The following CFAP96 variants were observed in gnomAD, a reference collection of about 807,000 sequenced individuals.
CFAP96 encodes cilia-and flagella-associated protein 96.
chr4:185,439,144 C>A, the CFAP96 span, among the ~76,000 whole-genome samples: 19 of 152,086 alleles, frequency 1.2e-4, no homozygotes, highest in African/African-American at 3.6e-4. Flanking sequence ...GATTAATAGG[C>A]CATACAGCAG....
chr4:185,418,419 A>G, the CFAP96 span: 5 of 1,564,734 alleles, frequency 3.2e-6, no homozygotes, highest in South Asian at 3.4e-5. Context: ...TTATCAGTAC[A>G]GAAGACAGAT....
the CFAP96 span, among the ~76,000 whole-genome samples, chr4:185,429,744 A>G: frequency 6.6e-6 from 1 of 152,220 alleles, no homozygotes; most frequent in South Asian, 2.1e-4. Context: ...ATTATAGCTC[A>G]CTGCAGTCTC....
chr4:185,434,728 G>A, the CFAP96 span, among the ~76,000 whole-genome samples: 2 of 152,036 alleles, frequency 1.3e-5, no homozygotes, highest in African/African-American at 4.8e-5. Context: ...GGAACCGTAG[G>A]CATTTATTAT....
chr4:185,415,947 A>G, the CFAP96 span: 2 of 1,237,208 alleles, frequency 1.6e-6, no homozygotes, highest in Non-Finnish European at 2.2e-6. Context: ...ACTTTTCAAA[A>G]ATGTATTTAT....
chr4:185,421,759 C>T, the CFAP96 span, among the ~76,000 whole-genome samples: 12 of 152,322 alleles, frequency 7.9e-5, no homozygotes, highest in East Asian at 1.3e-3. Flanking sequence ...TCTTTCTGAA[C>T]GGCTCTGTGG....
At chr4:185,425,346 T>G in the CFAP96 span, among the ~76,000 whole-genome samples, 12 of 152,168 alleles carry the variant, frequency 7.9e-5, no homozygotes, top group Admixed American at 4.6e-4. Context: ...GAGGCACGGT[T>G]AGCAGATTTG....
At chr4:185,433,037 A>G in the CFAP96 span, among the ~76,000 whole-genome samples, 1 of 151,988 alleles carries the variant, frequency 6.6e-6, no homozygotes, top group Admixed American at 6.6e-5. Context: ...TTCTTTTTTG[A>G]TGAAGAAAAT....
the CFAP96 span, among the ~76,000 whole-genome samples, chr4:185,413,133 T>C: frequency 2.0e-5 from 3 of 152,092 alleles, no homozygotes; most frequent in Admixed American, 1.3e-4. Flanking sequence ...GGTGAAATCC[T>C]GTCTCTACTA....
chr4:185,444,888 T>A, the CFAP96 span: 1 of 1,359,448 alleles, frequency 7.4e-7, no homozygotes, highest in Non-Finnish European at 1.0e-6. Context: ...CAAAAATATG[T>A]ATGAACTTCT....
the CFAP96 span, among the ~76,000 whole-genome samples, chr4:185,417,193 G>A: frequency 6.6e-6 from 1 of 152,156 alleles, no homozygotes; most frequent in African/African-American, 2.4e-5. Context: ...CCTGCCAATA[G>A]TGCATGACCT....
the CFAP96 span, among the ~76,000 whole-genome samples, chr4:185,419,181 G>A: frequency 1.3e-5 from 2 of 151,870 alleles, no homozygotes; most frequent in Non-Finnish European, 2.9e-5. Context: ...GCCCAGGCTG[G>A]AGTGCAGTGG....
chr4:185,439,251 C>A, the CFAP96 span, among the ~76,000 whole-genome samples: 1 of 151,990 alleles, frequency 6.6e-6, no homozygotes, highest in South Asian at 2.1e-4. Flanking sequence ...TTTGTGGGAA[C>A]ACTGTCCAAA....
the CFAP96 span, among the ~76,000 whole-genome samples, chr4:185,425,159 A>G: frequency 6.6e-6 from 1 of 152,132 alleles, no homozygotes; most frequent in Non-Finnish European, 1.5e-5. Flanking sequence ...CGGGGAGTTG[A>G]GAAGAGGGAG....
the CFAP96 span, among the ~76,000 whole-genome samples, chr4:185,432,487 A>C: frequency 2.0e-5 from 3 of 152,230 alleles, no homozygotes; most frequent in African/African-American, 7.2e-5. Flanking sequence ...AAAACCTTGC[A>C]AAGTCAGATT....
the CFAP96 span, among the ~76,000 whole-genome samples, chr4:185,442,946 G>A: frequency 6.7e-3 from 1,018 of 152,026 alleles, 35 homozygotes; most frequent in Admixed American, 0.063. Context: ...AAGTATTTTT[G>A]CAGGAATAAT....
At chr4:185,440,507 G>C in the CFAP96 span, 8 of 1,357,780 alleles carry the variant, frequency 5.9e-6, no homozygotes, top group Non-Finnish European at 7.9e-6. Flanking sequence ...TGTGAAATTT[G>C]TGCTATGTAA....
At chr4:185,410,809 GGTAGCACCCTCCT>G in the CFAP96 span, among the ~76,000 whole-genome samples, 1 of 151,372 alleles carries the variant, frequency 6.6e-6, no homozygotes, top group Non-Finnish European at 1.5e-5. Flanking sequence ...AGCTAGGCGT[GGTAGCACCCTCCT>G]GTAATCCCAG....
At chr4:185,416,297 T>C in the CFAP96 span, among the ~76,000 whole-genome samples, 14 of 152,334 alleles carry the variant, frequency 9.2e-5, no homozygotes, top group African/African-American at 3.4e-4. Flanking sequence ...CTCTCCACTT[T>C]TGTACTGATT....
chr4:185,437,682 C>T, the CFAP96 span, among the ~76,000 whole-genome samples: 1 of 152,102 alleles, frequency 6.6e-6, no homozygotes, highest in Admixed American at 6.5e-5. Context: ...ATACATACTA[C>T]ATAACTACAT....
Sources: gnomAD v4.1 joint callset for allele counts (sites outside exome capture counted in the v4.1 genomes callset) on GRCh38, gnomAD v4.1.1 for gene constraint, MANE v1.5 for transcripts, NCBI Gene and HGNC (gene_info 2026-07-23, HGNC 2026-07-21) for gene names.